The following NHSL1 variants were observed in gnomAD, a reference collection of about 807,000 sequenced individuals.
NHSL1 encodes the protein NHS like 1.
A neutral mutation model predicts 95.0 loss-of-function variants in NHSL1; 48 were observed. The observed-to-expected ratio is 0.51, with a 90% CI of 0.40 to 0.64. NHSL1 has a LOEUF of 0.64. Ranked by LOEUF, NHSL1 falls within the 30% of genes least tolerant of loss-of-function variation. The probability of loss-of-function intolerance (pLI) is 0.00; values close to 1 mark genes in which losing one functional copy is unlikely to be tolerated. For missense variants in NHSL1, 1,971 were observed against 2,077.7 expected (o/e 0.95, Z 1.00); for synonymous variants, 783 against 833.9 (o/e 0.94, Z 1.05).
Position 138,447,038 on chromosome 6 carries a change from T to C in NHSL1, c.495A>G (p.Gln165=), listed in dbSNP as rs1020133584. The C allele has an allele frequency of 1.5e-5, 24 of 1,551,624 alleles. No individual in the cohort carries two copies. Among genetic ancestry groups the C allele is most frequent in the Non-Finnish European group, 1.9e-5 (22 of 1,147,006 alleles). Residue 165 remains glutamine, a synonymous_variant, in exon 4 of 8, where the codon CAA becomes CAG. Coordinates refer to ENST00000343505, the MANE Select transcript of NHSL1 (RefSeq NM_001144060.2). ...TAGGCACCACGTCAGCCTGGACTGTTTGGGCTTGCTGTCGCATCTTCTCTT... is the reference window on the plus strand; with the variant it reads ...TAGGCACCACGTCAGCCTGGACTGTCTGGGCTTGCTGTCGCATCTTCTCTT... ...TPEEKMRQQA[Q]TVQADVVPIN...
At chr6:138,670,665 CAA>C (rs370888768) in intron 1 of NHSL1, among the ~76,000 whole-genome samples, 225 of 69,340 alleles carry the variant, frequency 3.2e-3, no homozygotes, top group Non-Finnish European at 5.2e-3. Context: ...GACTCCGTCT[CAA>C]AAAAAAAAAA....
In NHSL1 at chr6:138,433,395, T is replaced by C. The variant is rs1208642440; in HGVS notation, c.950A>G (p.Asp317Gly). 6.4e-7 allele frequency: 1 copy of C among 1,552,312 alleles called. No individual in the cohort carries two copies. The highest frequency in any genetic ancestry group is 8.7e-7 in the Non-Finnish European group (1 of 1,147,122). The part of the protein sequence containing the change: ...SAGIVFPSRL[D>G]SDAGFHSLPR... ...AAGACTATGGAAGCCAGCATCACTGTCAAGGCGGGAAGGGAATACGATCCC... is the reference window on the plus strand; with the variant it reads ...AAGACTATGGAAGCCAGCATCACTGCCAAGGCGGGAAGGGAATACGATCCC... The change falls in exon 6 of 8, where the codon GAC becomes GGC. Residue 317 changes from aspartate to glycine, a missense_variant. Coordinates refer to ENST00000343505, the MANE Select transcript of NHSL1 (RefSeq NM_001144060.2).
intron 1 of NHSL1, among the ~76,000 whole-genome samples, chr6:138,543,002 G>T (rs778372973): frequency 8.5e-5 from 13 of 152,114 alleles, no homozygotes; most frequent in Non-Finnish European, 1.8e-4. Context: ...GGCCTCAAGT[G>T]ATCCTCTCTC....
intron 2 of NHSL1, among the ~76,000 whole-genome samples, chr6:138,479,651 G>A (rs755884217): frequency 1.3e-5 from 2 of 152,210 alleles, no homozygotes; most frequent in African/African-American, 2.4e-5. Context: ...TCAGACCATG[G>A]TTGACTGCAG....
chr6:138,532,307 T>C (rs1453183104), intron 1 of NHSL1, among the ~76,000 whole-genome samples: 1 of 152,194 alleles, frequency 6.6e-6, no homozygotes, highest in Non-Finnish European at 1.5e-5. Flanking sequence ...TTACACTTCA[T>C]CCTGAAGGCA....
intron 1 of NHSL1, among the ~76,000 whole-genome samples, chr6:138,662,361 T>G (rs1785238185): frequency 2.0e-5 from 3 of 152,238 alleles, no homozygotes; most frequent in Non-Finnish European, 4.4e-5. Flanking sequence ...CTTTTAACAT[T>G]TCTTCTTAGA....
In NHSL1 at chr6:138,432,982, T is replaced by A; in HGVS notation, c.1363A>T (p.Ile455Phe). 1.3e-6 allele frequency: 2 copies of A among 1,550,980 alleles called. No individual in the cohort carries two copies. The highest frequency in any genetic ancestry group is 1.2e-5 in the South Asian group (1 of 84,054). ...HARIKSRDHL[I>F]SRHAVKGDPQ... ...TCACCTTTCACAGCATGCCTGGAGATGAGGTGGTCTCTGGATTTTATCCTT... is the reference window on the plus strand; with the variant it reads ...TCACCTTTCACAGCATGCCTGGAGAAGAGGTGGTCTCTGGATTTTATCCTT... The change falls in exon 6 of 8, where the codon ATC becomes TTC. Residue 455 changes from isoleucine to phenylalanine, a missense_variant. Coordinates refer to ENST00000343505, the MANE Select transcript of NHSL1 (RefSeq NM_001144060.2). This position sits in a 1 kb window ranked among gnomAD's most constrained non-coding sequence, Gnocchi z 4.4.
upstream of NHSL1, among the ~76,000 whole-genome samples, chr6:138,546,448 A>AAAAAAAAAAAAAAAC (rs1562362745): frequency 2.1e-5 from 3 of 142,012 alleles, no homozygotes; most frequent in African/African-American, 8.9e-5. Context: ...AAAAAAAAAA[A>AAAAAAAAAAAAAAAC]AAAAAAAAAA....
At chr6:138,441,003 C>A (rs1776491907) in intron 5 of NHSL1, among the ~76,000 whole-genome samples, 1 of 152,178 alleles carries the variant, frequency 6.6e-6, no homozygotes, top group African/African-American at 2.4e-5. Flanking sequence ...ATAATAATGA[C>A]CACAGTAGCT....
At position 138,424,186 on chromosome 6, in the gene NHSL1, G is replaced by A. The variant is rs1775093569; in HGVS notation, c.4716C>T (p.Ala1572=). 12 of 1,474,206 alleles carry A rather than the reference G, an allele frequency of 8.1e-6. No homozygotes were observed. Among genetic ancestry groups the A allele is most frequent in the Admixed American group, 2.5e-5 (1 of 39,990 alleles). 91.3% of individuals were successfully genotyped at this position (1,474,206 alleles called of 1,614,324 possible). ...EGGLLCGEGP[A]ASLQPQAPGP... Reference sequence around the variant, plus strand: ...CGGGGGCCTGGGGCTGCAGGGAGGCGGCAGGCCCCTCCCCACAGAGCAGGC... The same window carrying A: ...CGGGGGCCTGGGGCTGCAGGGAGGCAGCAGGCCCCTCCCCACAGAGCAGGC... The change falls in exon 8 of 8, where the codon GCC becomes GCT. Residue 1572 remains alanine (A), a synonymous_variant. Transcript: ENST00000343505. The surrounding 1 kb of genome is among the most constrained non-coding windows in gnomAD (Gnocchi z 5.9).
intron 1 of NHSL1, among the ~76,000 whole-genome samples, chr6:138,653,587 T>A (rs562999771): frequency 1.3e-5 from 2 of 152,242 alleles, no homozygotes; most frequent in East Asian, 3.9e-4. Context: ...GTCTTTAACC[T>A]TTCACAAAGT....
intron 1 of NHSL1, among the ~76,000 whole-genome samples, chr6:138,571,149 G>A (rs764443333): frequency 2.6e-4 from 39 of 151,244 alleles, no homozygotes; most frequent in Non-Finnish European, 4.1e-4. Flanking sequence ...AAGGAAAGGA[G>A]AAAGAAAAAA....
chr6:138,437,305 T>TATATATATACACACACACAC (rs1479890106), intron 5 of NHSL1, among the ~76,000 whole-genome samples: 5 of 109,516 alleles, frequency 4.6e-5, no homozygotes, highest in Admixed American at 9.7e-5. Flanking sequence ...TGTATATATA[T>TATATATATACACACACACAC]ATATATATAT....
chr6:138,512,203 T>C (rs1440308453), intron 1 of NHSL1: 3 of 440,520 alleles, frequency 6.8e-6, no homozygotes, highest in Non-Finnish European at 1.4e-5. Flanking sequence ...CCATGCTTAA[T>C]GTTTATGCAC....
chr6:138,569,136 C>A (rs1006703712), intron 1 of NHSL1, among the ~76,000 whole-genome samples: 2 of 152,080 alleles, frequency 1.3e-5, no homozygotes, highest in African/African-American at 2.4e-5. Context: ...GCTGCAGAAC[C>A]GGACCCCCGC....
At chr6:138,646,246 C>T (rs768630220) in intron 1 of NHSL1, among the ~76,000 whole-genome samples, 13 of 152,222 alleles carry the variant, frequency 8.5e-5, no homozygotes, top group East Asian at 3.9e-4. Context: ...GTTTTCAATA[C>T]GGAATTACAA....
At chr6:138,481,820 G>A (rs191056258) in intron 2 of NHSL1, among the ~76,000 whole-genome samples, 125 of 152,098 alleles carry the variant, frequency 8.2e-4, no homozygotes, top group Middle Eastern at 3.4e-3. Context: ...ACTCAAATTT[G>A]CCTCCTAATA....
Position 138,431,496 on chromosome 6 carries a change from A to G in NHSL1, c.2849T>C (p.Leu950Pro), listed in dbSNP as rs1253651702. ...FPCPADRSPF[L>P]PPPPPVTDCS... is the part of the protein sequence containing the mutation. The stretch of plus-strand genomic sequence containing the variant: ...ATCTGTGACAGGAGGTGGGGGAGGA[A>G]GGAAAGGAGACCTGTCTGCAGGACA... Residue 950 changes from leucine (L) to proline (P), a missense_variant, in exon 6 of 8, where the codon CTT (leucine) becomes CCT (proline). Physicochemically the swap from Leu to Pro is moderately conservative, Grantham distance 98. Around this residue, in one of 3 missense-constraint regions of NHSL1, gnomAD observed 1,602 missense variants for 1,654.5 expected, o/e 0.97. Transcript: ENST00000343505. The surrounding 1 kb of genome is among the most constrained non-coding windows in gnomAD (Gnocchi z 4.0). 3.9e-6 allele frequency: 6 copies of G among 1,551,052 alleles called. No individual in the cohort carries two copies. The East Asian group carries it at 1.2e-4, about 32-fold the overall frequency.
intron 1 of NHSL1, among the ~76,000 whole-genome samples, chr6:138,645,500 TTTC>T (rs888130562): frequency 6.6e-6 from 1 of 151,720 alleles, no homozygotes; most frequent in South Asian, 2.1e-4. Context: ...TTGTAGTGTT[TTTC>T]TTTTTTCTTT....
Sources: allele counts gnomAD v4.1 joint callset (sites outside exome capture counted in the v4.1 genomes callset), GRCh38; gene constraint gnomAD v4.1.1; regional missense constraint gnomAD v4.1.1; non-coding constraint Gnocchi (gnomAD v3.1); transcripts MANE v1.5; gene names NCBI Gene and HGNC (gene_info 2026-07-23, HGNC 2026-07-21).